MED27: variants seen among roughly 807,000 people sequenced by gnomAD.
MED27 encodes the protein mediator complex subunit 27, also known as mediator of RNA polymerase II transcription subunit 27.
In MED27, 30 loss-of-function variants were observed where a neutral mutation model predicts 38.2. The ratio of observed to expected loss-of-function variants is 0.79; its 90% CI spans 0.59 to 1.07. The LOEUF (loss-of-function observed/expected upper bound fraction) is 1.07, where lower values mean the gene tolerates loss of function less well. Ranked by LOEUF, MED27 falls within the 50% of genes least tolerant of loss-of-function variation. The pLI is 0.00. For synonymous variants in MED27, 122 were observed against 153.5 expected (o/e 0.79, Z 1.52); for missense variants, 289 against 397.5 (o/e 0.73, Z 2.32).
At chr9:132,037,768 C>T (rs1265381818) in intron 2 of MED27, among the ~76,000 whole-genome samples, 2 of 152,124 alleles carry the variant, frequency 1.3e-5, no homozygotes, top group African/African-American at 2.4e-5. Context: ...AACAGTCAGG[C>T]TTTCACCGGG....
chr9:131,905,916 C>T (rs1367901554), intron 4 of MED27, among the ~76,000 whole-genome samples: 1 of 152,008 alleles, frequency 6.6e-6, no homozygotes, highest in Non-Finnish European at 1.5e-5. Flanking sequence ...AGGCATTAGG[C>T]ACCCAGAGTG....
intron 3 of MED27, among the ~76,000 whole-genome samples, chr9:131,964,067 G>A (rs780465624): frequency 1.3e-5 from 2 of 151,932 alleles, no homozygotes; most frequent in Non-Finnish European, 2.9e-5. Flanking sequence ...TGGAGAAGGT[G>A]GTATAGAAGC....
At chr9:131,950,425 C>T (rs1050242176) in intron 3 of MED27, among the ~76,000 whole-genome samples, 5 of 152,230 alleles carry the variant, frequency 3.3e-5, no homozygotes, top group African/African-American at 9.6e-5. Context: ...GGGCTGAGGA[C>T]TGTCGCTGTG....
intron 5 of MED27, among the ~76,000 whole-genome samples, chr9:131,888,689 T>G (rs1228402895): frequency 6.6e-6 from 1 of 152,194 alleles, no homozygotes; most frequent in African/African-American, 2.4e-5. Flanking sequence ...TCTTGCAAGG[T>G]GAACAGGTGA....
At chr9:131,930,320 T>C (rs1399402158) in intron 4 of MED27, among the ~76,000 whole-genome samples, 2 of 151,752 alleles carry the variant, frequency 1.3e-5, no homozygotes, top group Non-Finnish European at 2.9e-5. Flanking sequence ...ATAATCAAAC[T>C]CTCAAAGGTC....
chr9:131,905,989 G>C (rs1312608445), intron 4 of MED27, among the ~76,000 whole-genome samples: 1 of 152,050 alleles, frequency 6.6e-6, no homozygotes, highest in Non-Finnish European at 1.5e-5. Context: ...ATGAAGAAGT[G>C]TATAAATACA....
At chr9:131,946,534 G>A (rs1195619132) in intron 3 of MED27, among the ~76,000 whole-genome samples, 1 of 152,164 alleles carries the variant, frequency 6.6e-6, no homozygotes, top group Non-Finnish European at 1.5e-5. Context: ...GCCCTCTAAA[G>A]CCACATTTCT....
At chr9:132,034,892 C>T (rs1833041790) in intron 2 of MED27, among the ~76,000 whole-genome samples, 1 of 152,208 alleles carries the variant, frequency 6.6e-6, no homozygotes, top group Non-Finnish European at 1.5e-5. Flanking sequence ...ACTCTTAAAA[C>T]TATCTGTGAA....
intron 3 of MED27, among the ~76,000 whole-genome samples, chr9:131,973,013 G>GCAT (rs1277623650): frequency 3.9e-5 from 6 of 152,260 alleles, no homozygotes; most frequent in Middle Eastern, 3.4e-3. Context: ...TATAAATGAG[G>GCAT]GAAGCAATAC....
intron 3 of MED27, among the ~76,000 whole-genome samples, chr9:132,000,641 T>C (rs1589258505): frequency 6.6e-6 from 1 of 152,152 alleles, no homozygotes; most frequent in South Asian, 2.1e-4. Context: ...GTATATCCAA[T>C]TGGTGGAATA....
intron 3 of MED27, among the ~76,000 whole-genome samples, chr9:131,940,318 C>G (rs1056069521): frequency 6.6e-6 from 1 of 152,188 alleles, no homozygotes; most frequent in Non-Finnish European, 1.5e-5. Flanking sequence ...ATTCTAAAAT[C>G]TCTGCATATA....
intron 3 of MED27, among the ~76,000 whole-genome samples, chr9:131,990,914 C>T (rs1035731194): frequency 2.0e-5 from 3 of 152,224 alleles, no homozygotes; most frequent in African/African-American, 7.2e-5. Context: ...AAATCCATAA[C>T]ACTTGTAGTC....
chr9:132,050,039 T>C (rs775232979), intron 2 of MED27, among the ~76,000 whole-genome samples: 1 of 152,152 alleles, frequency 6.6e-6, no homozygotes, highest in Non-Finnish European at 1.5e-5. Context: ...GGCCTGATCA[T>C]ACTTATTACC....
chr9:131,898,605 TTTGAGATAGTCTCGCTCTGTCTCCCATG>T (rs1255033782), intron 4 of MED27, among the ~76,000 whole-genome samples: 6 of 151,990 alleles, frequency 3.9e-5, no homozygotes, highest in Admixed American at 3.9e-4. Flanking sequence ...TTTTTTTTTT[TTTGAGATAGTCTCGCTCTGTCTCCCATG>T]TTGGAGTGCA....
At chr9:132,038,348 C>G (rs527237405) in intron 2 of MED27, among the ~76,000 whole-genome samples, 1 of 151,580 alleles carries the variant, frequency 6.6e-6, no homozygotes, top group African/African-American at 2.4e-5. Context: ...CCCGCCACTA[C>G]GCCCGGCTAA....
At chr9:131,908,405 C>G (rs1348605202) in intron 4 of MED27, among the ~76,000 whole-genome samples, 3 of 152,264 alleles carry the variant, frequency 2.0e-5, no homozygotes, top group Admixed American at 2.0e-4. Flanking sequence ...AACGGGCCAG[C>G]ATGACAATGG....
At chr9:132,031,567 GAGGT>G (rs1832961271) in intron 2 of MED27, among the ~76,000 whole-genome samples, 1 of 152,094 alleles carries the variant, frequency 6.6e-6, no homozygotes, top group African/African-American at 2.4e-5. Flanking sequence ...GCTATTCAGA[GAGGT>G]TGAAGTGGGA....
At chr9:131,955,275 T>C (rs1475125153) in intron 3 of MED27, among the ~76,000 whole-genome samples, 2 of 151,770 alleles carry the variant, frequency 1.3e-5, no homozygotes, top group East Asian at 1.9e-4. Flanking sequence ...GCTAAAACCA[T>C]GCTCAGAGGG....
chr9:132,031,553 C>A (rs1832960512), intron 2 of MED27, among the ~76,000 whole-genome samples: 1 of 152,054 alleles, frequency 6.6e-6, no homozygotes, highest in African/African-American at 2.4e-5. Context: ...ACACCTGAGT[C>A]CCAGCTATTC....
Sources: gnomAD v4.1 joint callset for allele counts (sites outside exome capture counted in the v4.1 genomes callset) on GRCh38, gnomAD v4.1.1 for gene constraint, MANE v1.5 for transcripts, NCBI Gene and HGNC (gene_info 2026-07-23, HGNC 2026-07-21) for gene names.